Variants in SYT16 observed in about 807,000 individuals in gnomAD.
SYT16 encodes synaptotagmin 16, also known as synaptotagmin-16.
A neutral mutation model predicts 61.4 loss-of-function variants in SYT16; 42 were observed. The ratio of observed to expected loss-of-function variants is 0.68; its 90% CI spans 0.53 to 0.89. SYT16 has a LOEUF of 0.89. Ranked by LOEUF, SYT16 falls within the 40% of genes least tolerant of loss-of-function variation. The pLI is 0.00. For synonymous variants in SYT16, 314 were observed against 302.3 expected (o/e 1.04, Z -0.40); for missense variants, 804 against 807.3 (o/e 1.00, Z 0.05).
intron 3 of SYT16, among the ~76,000 whole-genome samples, chr14:62,032,076 C>T (rs781581842): frequency 4.6e-5 from 7 of 152,140 alleles, no homozygotes; most frequent in South Asian, 2.1e-4. Context: ...GAAGGAAATT[C>T]GGTGGCTTGG....
chr14:62,100,247 C>G, intron 7 of SYT16, 147 bp from the exon 8 acceptor site: 1 of 676,486 alleles, frequency 1.5e-6, no homozygotes, highest in South Asian at 2.1e-5. Flanking sequence ...ATGTGTTGCC[C>G]AACAGCAAGA....
rs972552061 is a variant in SYT16 at position 61,826,814 on chromosome 14, A to G, written c.-325+14004A>G. Among the ~76,000 whole-genome samples the G allele has an allele frequency of 2.3e-4, 35 of 152,028 alleles. 3 individuals carry two copies. The highest frequency in any genetic ancestry group is 2.9e-5 in the Non-Finnish European group (2 of 68,044). On this transcript the variant is annotated intron_variant, in intron 1 of 7. Coordinates refer to ENST00000683842, the MANE Select transcript of SYT16 (RefSeq NM_001367656.1). ...TACAGTTCTAGAGGTTGTAAGTCCA[A>G]GACTGAGGTGCCAGGAGGGTTGGTG...
chr14:62,100,157 G>A (rs2057384595), intron 7 of SYT16, among the ~76,000 whole-genome samples: 1 of 152,178 alleles, frequency 6.6e-6, no homozygotes, highest in Non-Finnish European at 1.5e-5. Context: ...ATGAACATCA[G>A]CAATGTGTGC....
intron 1 of SYT16, among the ~76,000 whole-genome samples, chr14:61,830,280 C>G (rs983335054): frequency 6.6e-6 from 1 of 152,136 alleles, no homozygotes; most frequent in Non-Finnish European, 1.5e-5. Context: ...TGATGAATAA[C>G]TTTGATGAAT....
chr14:62,005,397 T>C (rs563048586), intron 3 of SYT16, among the ~76,000 whole-genome samples: 75 of 152,238 alleles, frequency 4.9e-4, no homozygotes, highest in Middle Eastern at 3.4e-3. Context: ...AACTCACGAC[T>C]GTGTTGTTCC....
At chr14:61,903,572 G>C (rs1434863641) in intron 1 of SYT16, among the ~76,000 whole-genome samples, 1 of 152,190 alleles carries the variant, frequency 6.6e-6, no homozygotes, top group Non-Finnish European at 1.5e-5. Flanking sequence ...AATTCTGCCT[G>C]TTTGGTTGAC....
intron 3 of SYT16, among the ~76,000 whole-genome samples, chr14:62,026,207 A>G (rs2054096931): frequency 6.6e-6 from 1 of 152,166 alleles, no homozygotes; most frequent in Non-Finnish European, 1.5e-5. Flanking sequence ...AGTGGGGGGA[A>G]TGTCTCCCAT....
intron 3 of SYT16, among the ~76,000 whole-genome samples, chr14:62,030,648 G>A (rs1341511611): frequency 6.6e-6 from 1 of 152,160 alleles, no homozygotes; most frequent in Non-Finnish European, 1.5e-5. Flanking sequence ...GTCTGCCATA[G>A]GTATAAAGGT....
rs192880854 is a variant in SYT16, at chr14:61,996,117, A to G, written c.98A>G (p.Asp33Gly). ...RVYEALQQAG[D>G]MLSASLVNIS... ...TATGAAGCTCTCCAGCAAGCAGGAG[A>G]TATGTTATCTGCTTCGCTGGTTAAC... The change falls in exon 3 of 8, where the codon GAT (aspartate) becomes GGT (glycine). Residue 33 changes from aspartate (D) to glycine (G), a missense_variant. Physicochemically the swap from Asp to Gly is moderately conservative, Grantham distance 94. Coordinates refer to ENST00000683842, the MANE Select transcript of SYT16 (RefSeq NM_001367656.1). 2.5e-5 allele frequency: 41 copies of G among 1,613,284 alleles called. No individual in the cohort carries two copies. In the East Asian group the frequency reaches 9.1e-4, roughly 36 times the overall value.
chr14:61,882,661 TC>T (rs751309653), intron 1 of SYT16, among the ~76,000 whole-genome samples: 1 of 152,060 alleles, frequency 6.6e-6, no homozygotes, highest in African/African-American at 2.4e-5. Context: ...TTCTAACTGT[TC>T]CCCCAGATCT....
At chr14:61,959,009 T>C (rs2140495554) in intron 1 of SYT16, among the ~76,000 whole-genome samples, 1 of 152,276 alleles carries the variant, frequency 6.6e-6, no homozygotes, top group East Asian at 1.9e-4. Context: ...ATGCCCTTCT[T>C]TGTCTCTTGT....
intron 1 of SYT16, among the ~76,000 whole-genome samples, chr14:61,871,474 G>C (rs1213208437): frequency 6.6e-6 from 1 of 152,156 alleles, no homozygotes; most frequent in African/African-American, 2.4e-5. Context: ...GCAAGACTCT[G>C]TTCTGGGTCT....
chr14:62,000,459 A>G (rs1470384699), intron 3 of SYT16, among the ~76,000 whole-genome samples: 3 of 151,926 alleles, frequency 2.0e-5, no homozygotes, highest in Non-Finnish European at 2.9e-5. Context: ...GTAGGTTTCT[A>G]GTACATAGCA....
intron 1 of SYT16, among the ~76,000 whole-genome samples, chr14:61,954,449 A>C (rs2050793362): frequency 6.6e-6 from 1 of 152,046 alleles, no homozygotes; most frequent in African/African-American, 2.4e-5. Flanking sequence ...GAAAATCAAC[A>C]GATGGGGCTA....
At chr14:61,834,186 A>G (rs1384003301) in intron 1 of SYT16, among the ~76,000 whole-genome samples, 1 of 151,986 alleles carries the variant, frequency 6.6e-6, no homozygotes, top group Non-Finnish European at 1.5e-5. Context: ...GCTGGAGAGC[A>G]GTGGTGCGAT....
intron 3 of SYT16, among the ~76,000 whole-genome samples, chr14:62,041,316 A>G (rs1184369244): frequency 6.6e-6 from 1 of 152,154 alleles, no homozygotes; most frequent in Non-Finnish European, 1.5e-5. Flanking sequence ...TAACCATCAC[A>G]CTTATTAACT....
chr14:61,852,733 G>GTAT (rs1415749914), intron 1 of SYT16, among the ~76,000 whole-genome samples: 2 of 152,114 alleles, frequency 1.3e-5, no homozygotes, highest in African/African-American at 4.8e-5. Context: ...TGTTGTTGGT[G>GTAT]TATAGGAATG....
rs1054725187 is a variant in SYT16 at position 62,112,390 on chromosome 14, T to C, written c.*11683T>C. 2.6e-5 allele frequency: 4 copies of C among 152,188 alleles called. No homozygotes were observed. Among genetic ancestry groups the C allele is most frequent in the African/African-American group, 9.6e-5 (4 of 41,456 alleles). The allele number at this position is 152,188 out of a possible 1,614,324, so 9.4% of individuals were successfully genotyped here. Reference sequence around the variant, plus strand: ...TGCATGAGGATAAATTCTAATTGCTTTTTGTTTAAAACAGAAACATAGAAG... The same window carrying C: ...TGCATGAGGATAAATTCTAATTGCTCTTTGTTTAAAACAGAAACATAGAAG... On this transcript the variant is annotated 3_prime_UTR_variant, in exon 8 of 8. Coordinates refer to ENST00000683842, the MANE Select transcript of SYT16 (RefSeq NM_001367656.1).
intron 1 of SYT16, among the ~76,000 whole-genome samples, chr14:61,929,228 C>T (rs1200799896): frequency 6.6e-6 from 1 of 152,186 alleles, no homozygotes; most frequent in African/African-American, 2.4e-5. Context: ...ATTTGTTGGT[C>T]AAGGCTGCTC....
Sources: gnomAD v4.1 joint callset for allele counts (sites outside exome capture counted in the v4.1 genomes callset) on GRCh38, gnomAD v4.1.1 for gene constraint, MANE v1.5 for transcripts, NCBI Gene and HGNC (gene_info 2026-07-23, HGNC 2026-07-21) for gene names.